Variants in KIAA1328 observed in about 807,000 individuals in gnomAD.
KIAA1328 encodes the protein protein hinderin.
In KIAA1328, 52 loss-of-function variants were observed where a neutral mutation model predicts 68.1. That is an observed-to-expected ratio of 0.76 (90% CI 0.61 to 0.96). The LOEUF (loss-of-function observed/expected upper bound fraction) is 0.96, where lower values mean the gene tolerates loss of function less well. Among genes scored for constraint, KIAA1328 ranks in the 40% least tolerant of loss-of-function variants. The pLI, the probability that KIAA1328 is intolerant of heterozygous loss-of-function variation, is 0.00. For missense variants in KIAA1328, 641 were observed against 677.6 expected (o/e 0.95, Z 0.60); for synonymous variants, 232 against 239.4 (o/e 0.97, Z 0.28).
intron 7 of KIAA1328, among the ~76,000 whole-genome samples, chr18:37,120,426 A>G (rs546413399): frequency 1.4e-4 from 22 of 152,292 alleles, no homozygotes; most frequent in African/African-American, 4.6e-4. Flanking sequence ...TGGTGAAAAA[A>G]AAATCAACTT....
At chr18:37,040,771 A>G (rs1204668523) in intron 6 of KIAA1328, among the ~76,000 whole-genome samples, 1 of 151,704 alleles carries the variant, frequency 6.6e-6, no homozygotes, top group Non-Finnish European at 1.5e-5. Flanking sequence ...TTACTCAGTG[A>G]AAATATTTTC....
chr18:37,120,562 G>A (rs2058243943), intron 7 of KIAA1328, among the ~76,000 whole-genome samples: 1 of 152,108 alleles, frequency 6.6e-6, no homozygotes, highest in Non-Finnish European at 1.5e-5. Context: ...AGCGCTGGAT[G>A]GTGTAAGAAA....
intron 7 of KIAA1328, among the ~76,000 whole-genome samples, chr18:37,101,196 G>C (rs1599269520): frequency 1.3e-5 from 2 of 152,260 alleles, no homozygotes; most frequent in Admixed American, 6.5e-5. Flanking sequence ...AGAGAAGAAG[G>C]CTTCAGACGA....
At chr18:36,930,743 C>A (rs1404690557) in intron 5 of KIAA1328, among the ~76,000 whole-genome samples, 4 of 151,826 alleles carry the variant, frequency 2.6e-5, no homozygotes, top group African/African-American at 9.7e-5. Context: ...CAAAGTAGAT[C>A]CTAGTTACAG....
intron 7 of KIAA1328, among the ~76,000 whole-genome samples, chr18:37,133,917 T>G (rs995679111): frequency 6.6e-6 from 1 of 152,174 alleles, no homozygotes; most frequent in Admixed American, 6.5e-5. Context: ...CCATATTGTA[T>G]TTTCCAAAGA....
intron 5 of KIAA1328, among the ~76,000 whole-genome samples, chr18:36,903,156 C>T (rs2049097725): frequency 6.6e-6 from 1 of 151,964 alleles, no homozygotes; most frequent in African/African-American, 2.4e-5. Flanking sequence ...CCCAAATCAT[C>T]AGTGTGTGTG....
intron 6 of KIAA1328, among the ~76,000 whole-genome samples, chr18:36,963,180 GT>G: frequency 6.6e-6 from 1 of 152,286 alleles, no homozygotes; most frequent in Middle Eastern, 3.4e-3. Flanking sequence ...ATTTTTTATT[GT>G]TTATGTGAAG....
At chr18:37,076,654 C>T (rs2056748097) in intron 7 of KIAA1328, among the ~76,000 whole-genome samples, 1 of 151,816 alleles carries the variant, frequency 6.6e-6, no homozygotes, top group African/African-American at 2.4e-5. Context: ...AAGGGGATAT[C>T]ACCACCAATC....
chr18:36,870,158 G>A (rs1266321303), intron 4 of KIAA1328, among the ~76,000 whole-genome samples: 4 of 152,218 alleles, frequency 2.6e-5, no homozygotes, highest in South Asian at 2.1e-4. Context: ...CCCTGTGCCC[G>A]GCCTGAAAGT....
intron 6 of KIAA1328, among the ~76,000 whole-genome samples, chr18:36,962,957 A>G (rs979370310): frequency 6.6e-6 from 1 of 152,248 alleles, no homozygotes; most frequent in African/African-American, 2.4e-5. Context: ...AAGGCAAGAA[A>G]TAACTAAGAT....
At chr18:36,918,098 T>G (rs929868500) in intron 5 of KIAA1328, among the ~76,000 whole-genome samples, 1 of 152,110 alleles carries the variant, frequency 6.6e-6, no homozygotes, top group Non-Finnish European at 1.5e-5. Flanking sequence ...TCCTGTTATT[T>G]TTCTTTTGAT....
chr18:36,932,214 T>A (rs879317767), intron 5 of KIAA1328, among the ~76,000 whole-genome samples: 20 of 152,188 alleles, frequency 1.3e-4, no homozygotes, highest in Non-Finnish European at 2.2e-4. Context: ...TGAAAAAGTT[T>A]GAGATTTTAT....
At chr18:37,209,670 T>C (rs985083881) in intron 9 of KIAA1328, among the ~76,000 whole-genome samples, 1 of 151,782 alleles carries the variant, frequency 6.6e-6, no homozygotes, top group Non-Finnish European at 1.5e-5. Context: ...GTGAAACACA[T>C]GCAAAGGCCT....
intron 6 of KIAA1328, among the ~76,000 whole-genome samples, chr18:37,015,790 A>G (rs2054132022): frequency 6.6e-6 from 1 of 152,030 alleles, no homozygotes; most frequent in South Asian, 2.1e-4. Flanking sequence ...TTCTTGTTTT[A>G]GCACTCAGCT....
chr18:36,830,486 T>C (rs2046436528), intron 1 of KIAA1328, among the ~76,000 whole-genome samples: 1 of 152,214 alleles, frequency 6.6e-6, no homozygotes, highest in African/African-American at 2.4e-5. Flanking sequence ...GAAACACTGC[T>C]TCTGCATTGA....
intron 6 of KIAA1328, among the ~76,000 whole-genome samples, chr18:37,012,259 G>A (rs904453020): frequency 2.6e-5 from 4 of 152,102 alleles, no homozygotes; most frequent in African/African-American, 9.7e-5. Context: ...TGAACACCCA[G>A]GAAACTAGAG....
At chr18:36,886,096 A>G (rs1568123667) in intron 5 of KIAA1328, 2 of 163,914 alleles carry the variant, frequency 1.2e-5, no homozygotes, top group Non-Finnish European at 2.6e-5. Flanking sequence ...GTAAATCTGC[A>G]TGTGCTGCCA....
intron 6 of KIAA1328, among the ~76,000 whole-genome samples, chr18:36,984,533 AAAG>A (rs1412293042): frequency 6.6e-6 from 1 of 152,198 alleles, no homozygotes; most frequent in South Asian, 2.1e-4. Flanking sequence ...TATGGAATAA[AAAG>A]AAATAAATGT....
chr18:36,872,352 A>G (rs536072276), intron 4 of KIAA1328, among the ~76,000 whole-genome samples: 1 of 152,308 alleles, frequency 6.6e-6, no homozygotes, highest in African/African-American at 2.4e-5. Context: ...CCCCACCATC[A>G]GACTAACAAG....
Sources: allele counts gnomAD v4.1 joint callset (sites outside exome capture counted in the v4.1 genomes callset), GRCh38; gene constraint gnomAD v4.1.1; transcripts MANE v1.5; gene names NCBI Gene and HGNC (gene_info 2026-07-23, HGNC 2026-07-21).